Variants in ECI2 observed in about 807,000 individuals in gnomAD.
ECI2 encodes the protein D3,D2-enoyl-CoA isomerase.
ECI2 carries 27 observed loss-of-function variants against 38.4 expected under a neutral mutation model. That is an observed-to-expected ratio of 0.70 (90% CI 0.52 to 0.97). The LOEUF (loss-of-function observed/expected upper bound fraction) is 0.97. Ranked by LOEUF, ECI2 falls within the 50% of genes least tolerant of loss-of-function variation. The pLI, the probability that ECI2 is intolerant of heterozygous loss-of-function variation, is 0.00. For missense variants in ECI2, 470 were observed against 474.4 expected (o/e 0.99, Z 0.09); for synonymous variants, 168 against 172.0 (o/e 0.98, Z 0.18).
At position 4,133,658 on chromosome 6, in the gene ECI2, G is replaced by GCTGTTCTAT. The variant is rs773970503; in HGVS notation, c.95_103dup (p.Thr34_Ala35insAspArgThr). 8 of 1,613,710 alleles carry GCTGTTCTAT rather than the reference G, an allele frequency of 5.0e-6. No individual in the cohort carries two copies. The South Asian group carries it at 8.8e-5, about 18-fold the overall frequency. On this transcript the variant is annotated inframe_insertion, in exon 2 of 10. Coordinates refer to ENST00000380118, the MANE Select transcript of ECI2 (RefSeq NM_206836.3). ...AAAGTCCTTCTGACTGGCTCTCATT[G>GCTGTTCTAT]CTGTTCTATTCATGTGCAGCTGAAC...
intron 5 of ECI2, 151 bp downstream of exon 5, chr6:4,127,611 C>T (rs1169762338): frequency 2.1e-5 from 13 of 631,048 alleles, no homozygotes; most frequent in Non-Finnish European, 2.9e-5. Flanking sequence ...GATGGGGTTT[C>T]ACCATGTTAA....
chr6:4,134,873 C>A (rs1311245877), intron 1 of ECI2, among the ~76,000 whole-genome samples: 4 of 152,184 alleles, frequency 2.6e-5, no homozygotes, highest in African/African-American at 9.6e-5. Context: ...ATAGCAAAAA[C>A]ACGACCATTT....
At chr6:4,130,092 CAT>C in intron 4 of ECI2, 1 of 1,608,988 alleles carries the variant, frequency 6.2e-7, no homozygotes, top group Non-Finnish European at 8.5e-7. Context: ...CAAATTCTCT[CAT>C]AGCAACATGT....
At chr6:4,133,088 T>G (rs1239896724) in intron 2 of ECI2, among the ~76,000 whole-genome samples, 1 of 152,158 alleles carries the variant, frequency 6.6e-6, no homozygotes, top group Non-Finnish European at 1.5e-5. Context: ...CTTTTTGTGC[T>G]TAGAGAACTT....
chr6:4,125,712 T>A (rs1365485254), intron 6 of ECI2: 4 of 415,382 alleles, frequency 9.6e-6, no homozygotes, highest in Non-Finnish European at 1.8e-5. Context: ...TCACAACAAG[T>A]GGGAATTACA....
chr6:4,123,169 T>C (rs1772917229), intron 7 of ECI2, among the ~76,000 whole-genome samples: 1 of 152,136 alleles, frequency 6.6e-6, no homozygotes, highest in African/African-American at 2.4e-5. Flanking sequence ...CTTTATTTTA[T>C]TTATTTTTTA....
intron 7 of ECI2, among the ~76,000 whole-genome samples, chr6:4,122,346 G>C (rs140361819): frequency 6.6e-6 from 1 of 151,316 alleles, no homozygotes; most frequent in Non-Finnish European, 1.5e-5. Context: ...TCAGCCTCCC[G>C]AGCAGTTGGG....
In ECI2 at chr6:4,116,737, C is replaced by T. The variant is rs752223736; in HGVS notation, c.1029+571G>A. ...GAGACTACAGGTGTGAGCCACTGTT[C>T]TCGGCCCTAATGCTGTTAAATCTTA... On this transcript the variant is annotated intron_variant, in intron 9 of 9. Transcript: ENST00000380118. 3.8e-4 allele frequency among the ~76,000 whole-genome samples: 58 copies of T among 152,246 alleles called. 1 individual carries two copies. Among genetic ancestry groups the T allele is most frequent in the Non-Finnish European group, 3.7e-4 (25 of 68,016 alleles).
At chr6:4,133,456 G>A (rs983682345) in intron 2 of ECI2, 93 bp downstream of exon 2, 1 of 1,471,878 alleles carries the variant, frequency 6.8e-7, no homozygotes, top group Admixed American at 2.2e-5. Flanking sequence ...AAACCAAAAT[G>A]TTAAGGCCAC....
intron 8 of ECI2, chr6:4,118,377 T>C (rs1290876246): frequency 1.3e-5 from 2 of 152,292 alleles, no homozygotes; most frequent in Non-Finnish European, 2.9e-5. Context: ...GTAGAGTCAG[T>C]TCTGCCCCCT....
intron 5 of ECI2, 56 bp from the exon 6 acceptor site, chr6:4,126,293 AT>A: frequency 1.4e-6 from 2 of 1,432,232 alleles, no homozygotes; most frequent in Non-Finnish European, 1.9e-6. Flanking sequence ...ATTCTTGAGT[AT>A]CTACTGCATG....
chr6:4,118,905 G>A (rs150163090), intron 8 of ECI2: 8 of 286,096 alleles, frequency 2.8e-5, no homozygotes, highest in Non-Finnish European at 3.3e-5. Context: ...CAAGGCTGAG[G>A]TGCTGTGCTG....
At chr6:4,133,228 A>C (rs1170014456) in intron 2 of ECI2, among the ~76,000 whole-genome samples, 2 of 152,182 alleles carry the variant, frequency 1.3e-5, no homozygotes, top group East Asian at 3.8e-4. Context: ...TCCTTACTCA[A>C]AACTTCCCCA....
intron 7 of ECI2, 37 bp downstream of exon 7, chr6:4,125,213 G>C: frequency 6.2e-7 from 1 of 1,609,868 alleles, no homozygotes; most frequent in South Asian, 1.1e-5. Flanking sequence ...ATCTCGCGCT[G>C]CTTGCCTGAC....
chr6:4,125,289 G>T lies in ECI2; in HGVS notation c.756C>A (p.Thr252=), dbSNP rs1773072024. 9 of 1,614,020 alleles carry T rather than the reference G, an allele frequency of 5.6e-6. No individual in the cohort carries two copies. The East Asian group carries it at 2.0e-4, about 36-fold the overall frequency. Residue 252 remains threonine, a synonymous_variant, in exon 7 of 10, where the codon ACC becomes ACA. Transcript: ENST00000380118. ...ACACGGCATCGAATAGCCCAAGGAG[G>T]GTGACGGAGATGCCCACAGCTGGAC... ...VNGPAVGISV[T]LLGLFDAVYA... is the part of the protein sequence containing the mutation.
chr6:4,122,808 C>T (rs1772891928), intron 7 of ECI2, among the ~76,000 whole-genome samples: 2 of 152,212 alleles, frequency 1.3e-5, no homozygotes, highest in African/African-American at 4.8e-5. Context: ...GTCCTTCTTT[C>T]ATCGGGCTAC....
chr6:4,125,888 A>G (rs1032388922), intron 6 of ECI2: 29 of 618,532 alleles, frequency 4.7e-5, no homozygotes, highest in African/African-American at 3.8e-4. Context: ...GTTTACAACT[A>G]TAGCTCACTT....
At chr6:4,134,214 T>A (rs909844472) in intron 1 of ECI2, among the ~76,000 whole-genome samples, 16 of 152,130 alleles carry the variant, frequency 1.1e-4, no homozygotes, top group African/African-American at 3.9e-4. Flanking sequence ...GAGGGGAGAA[T>A]GGATGTGAAC....
intron 2 of ECI2, 70 bp downstream of exon 2, chr6:4,133,479 A>G: frequency 6.5e-7 from 1 of 1,528,552 alleles, no homozygotes; most frequent in East Asian, 2.3e-5. Context: ...TTTAGTAAAC[A>G]CACAGTGTAT....
Sources: gnomAD v4.1 joint callset for allele counts (sites outside exome capture counted in the v4.1 genomes callset) on GRCh38, gnomAD v4.1.1 for gene constraint, MANE v1.5 for transcripts, NCBI Gene and HGNC (gene_info 2026-07-23, HGNC 2026-07-21) for gene names.